Variants in SLIT2 observed in about 807,000 individuals in gnomAD.
SLIT2 encodes slit homolog 2 protein.
SLIT2 carries 41 observed loss-of-function variants against 185.7 expected under a neutral mutation model. The observed-to-expected ratio is 0.22, with a 90% confidence interval of 0.17 to 0.29. The LOEUF is 0.29. SLIT2 is among the 10% of genes least tolerant of loss of function. The pLI is 1.00. For missense variants in SLIT2, 1,571 were observed against 1,909.0 expected, an observed-to-expected ratio of 0.82 and a Z score of 3.30; for synonymous variants, 693 against 680.2, an observed-to-expected ratio of 1.02 and a Z score of -0.29.
At chr4:20,339,040 G>T (rs1054209056) in intron 4 of SLIT2, among the ~76,000 whole-genome samples, 1 of 140,408 alleles carries the variant, frequency 7.1e-6, no homozygotes, top group African/African-American at 2.7e-5. Context: ...TTATGGTGAG[G>T]TATGATCTCA....
At chr4:20,495,886 A>T (rs953141511) in intron 9 of SLIT2, among the ~76,000 whole-genome samples, 2 of 152,184 alleles carry the variant, frequency 1.3e-5, no homozygotes, top group Non-Finnish European at 2.9e-5. Flanking sequence ...ATTTTTTATA[A>T]GAACAAAGAA....
intron 34 of SLIT2, among the ~76,000 whole-genome samples, chr4:20,611,514 TA>T (rs1217261445): frequency 6.6e-6 from 1 of 152,198 alleles, no homozygotes. Flanking sequence ...TAATGCATTA[TA>T]AATAAAGTAT....
intron 4 of SLIT2, chr4:20,364,178 G>C: frequency 4.5e-6 from 3 of 661,056 alleles, no homozygotes; most frequent in Non-Finnish European, 5.6e-6. Flanking sequence ...TTTACACTTA[G>C]AGAAATACTG....
intron 18 of SLIT2, among the ~76,000 whole-genome samples, chr4:20,536,056 T>TGTGTTA (rs1722251489): frequency 1.3e-5 from 2 of 152,178 alleles, no homozygotes; most frequent in Admixed American, 1.3e-4. Flanking sequence ...ACTAACACAA[T>TGTGTTA]GTAAAGTATT....
At chr4:20,321,294 C>G (rs1458804568) in intron 4 of SLIT2, among the ~76,000 whole-genome samples, 1 of 152,214 alleles carries the variant, frequency 6.6e-6, no homozygotes, top group Non-Finnish European at 1.5e-5. Flanking sequence ...TGCCAAAATT[C>G]TGCAGATTTT....
At chr4:20,568,064 A>G (rs1725253914) in intron 28 of SLIT2, among the ~76,000 whole-genome samples, 1 of 152,126 alleles carries the variant, frequency 6.6e-6, no homozygotes, top group Non-Finnish European at 1.5e-5. Flanking sequence ...ATGTAAGTAG[A>G]CAGACTTGCT....
intron 8 of SLIT2, among the ~76,000 whole-genome samples, chr4:20,491,003 T>A (rs575865845): frequency 6.6e-6 from 1 of 152,216 alleles, no homozygotes; most frequent in Non-Finnish European, 1.5e-5. Flanking sequence ...GATGCTTATT[T>A]AATACAACTG....
At chr4:20,421,820 C>A (rs190733212) in intron 4 of SLIT2, among the ~76,000 whole-genome samples, 42 of 152,248 alleles carry the variant, frequency 2.8e-4, no homozygotes, top group Non-Finnish European at 4.9e-4. Context: ...TTCTTTGCCT[C>A]CCTCCTTCCC....
chr4:20,398,577 G>A (rs1260505260), intron 4 of SLIT2, among the ~76,000 whole-genome samples: 2 of 151,702 alleles, frequency 1.3e-5, no homozygotes, highest in African/African-American at 4.8e-5. Context: ...TATCATCGCA[G>A]GTTTCTTCTT....
intron 4 of SLIT2, among the ~76,000 whole-genome samples, chr4:20,329,995 T>C (rs543143446): frequency 6.6e-6 from 1 of 152,020 alleles, no homozygotes; most frequent in Non-Finnish European, 1.5e-5. Flanking sequence ...ATTTTTTATT[T>C]TCTTCTTTGC....
chr4:20,525,321 T>C, intron 15 of SLIT2, 149 bp downstream of exon 15: 1 of 567,014 alleles, frequency 1.8e-6, no homozygotes, highest in Admixed American at 2.8e-5. Flanking sequence ...TGTAGCTGTT[T>C]CCTGAAATCC....
chr4:20,562,095 G>T (rs146116222), intron 26 of SLIT2, among the ~76,000 whole-genome samples: 3 of 151,720 alleles, frequency 2.0e-5, no homozygotes, highest in African/African-American at 7.3e-5. Flanking sequence ...TTTAGCTAAC[G>T]ATTTTTACAA....
chr4:20,562,434 A>G (rs1269585735), intron 26 of SLIT2, among the ~76,000 whole-genome samples: 1 of 151,694 alleles, frequency 6.6e-6, no homozygotes. Flanking sequence ...TCATATTTCC[A>G]TTCACTTAGT....
chr4:20,609,358 A>G (rs1729033757), intron 33 of SLIT2, among the ~76,000 whole-genome samples: 2 of 152,204 alleles, frequency 1.3e-5, no homozygotes, highest in Admixed American at 6.5e-5. Context: ...AGATATCACT[A>G]TGTTAAGCAT....
intron 17 of SLIT2, among the ~76,000 whole-genome samples, chr4:20,532,554 C>G (rs1210670753): frequency 6.6e-6 from 1 of 152,180 alleles, no homozygotes; most frequent in Non-Finnish European, 1.5e-5. Context: ...TCAGCAGTTT[C>G]AGCAACACTC....
chr4:20,464,273 C>T (rs1181076123), intron 4 of SLIT2, among the ~76,000 whole-genome samples: 1 of 152,082 alleles, frequency 6.6e-6, no homozygotes, highest in Non-Finnish European at 1.5e-5. Flanking sequence ...GTCCTAAATT[C>T]CATTGCCAGT....
chr4:20,472,303 G>GATATATATCTATATATATAGATATAT (rs1266183007), intron 5 of SLIT2, among the ~76,000 whole-genome samples: 2 of 30,974 alleles, frequency 6.5e-5, no homozygotes, highest in Admixed American at 1.4e-3. Flanking sequence ...TAGATATATA[G>GATATATATCTATATATATAGATATAT]ATCTATATAT....
intron 9 of SLIT2, among the ~76,000 whole-genome samples, chr4:20,502,068 A>C (rs2148814266): frequency 6.6e-6 from 1 of 152,310 alleles, no homozygotes; most frequent in South Asian, 2.1e-4. Flanking sequence ...CACACACACA[A>C]ATGTTGTACA....
intron 7 of SLIT2, among the ~76,000 whole-genome samples, chr4:20,487,848 T>C (rs565171375): frequency 6.6e-6 from 1 of 152,316 alleles, no homozygotes; most frequent in East Asian, 1.9e-4. Context: ...AAAATTCCAT[T>C]TTTATAGCCT....
Sources: allele counts gnomAD v4.1 joint callset (sites outside exome capture counted in the v4.1 genomes callset), GRCh38; gene constraint gnomAD v4.1.1; transcripts MANE v1.5; gene names NCBI Gene and HGNC (gene_info 2026-07-23, HGNC 2026-07-21).